Variants in ANKRD36 observed in about 807,000 individuals in gnomAD.
ANKRD36 encodes ankyrin repeat domain-containing protein 36A.
In ANKRD36, 179 loss-of-function variants were observed where a neutral mutation model predicts 278.1. The observed-to-expected ratio is 0.64, with a 90% CI of 0.57 to 0.73. The LOEUF is 0.73. ANKRD36 is among the 30% of genes least tolerant of loss of function. The probability of loss-of-function intolerance (pLI) is 0.00; values close to 1 mark genes in which losing one functional copy is unlikely to be tolerated. For missense variants in ANKRD36, 1,159 were observed against 1,956.7 expected (o/e 0.59, Z 7.69); for synonymous variants, 320 against 641.1 (o/e 0.50, Z 7.57).
intron 14 of ANKRD36, among the ~76,000 whole-genome samples, chr2:97,153,386 G>C (rs2046603084): frequency 6.6e-6 from 1 of 152,054 alleles, no homozygotes; most frequent in Non-Finnish European, 1.5e-5. Flanking sequence ...TTTCATTTAA[G>C]ACAGCTAAGT....
At chr2:97,183,768 C>T in intron 28 of ANKRD36, 114 bp downstream of exon 28, 2 of 1,365,584 alleles carry the variant, frequency 1.5e-6, no homozygotes, top group Admixed American at 2.5e-5. Context: ...TTCAGCAGGC[C>T]TGAGATTATG....
chr2:97,229,581 C>T (rs2071178720), intron 67 of ANKRD36, among the ~76,000 whole-genome samples: 1 of 152,094 alleles, frequency 6.6e-6, no homozygotes, highest in African/African-American at 2.4e-5. Context: ...TGGATCTTGA[C>T]TCTTTATCCA....
rs778485698 is a variant in ANKRD36 at position 97,164,258 on chromosome 2, A to G, written c.1430-25A>G. The G allele has an allele frequency of 1.5e-5, 23 of 1,525,642 alleles. No individual in the cohort carries two copies. In the South Asian group the frequency reaches 2.3e-4, roughly 15 times the overall value. 94.5% of individuals were successfully genotyped at this position (1,525,642 alleles called of 1,614,324 possible). A position where few individuals can be genotyped will look rare whatever the true frequency, so the allele number is the denominator to read the frequency against. ...GCTGTGTCATATTTACCTGTAGTCA[A>G]TTATGTGTTCCTTTTGCTTTGTAGT... On this transcript the variant is annotated intron_variant, in intron 18 of 75. Coordinates refer to ENST00000420699, the MANE Select transcript of ANKRD36 (RefSeq NM_001354587.1).
intron 68 of ANKRD36, among the ~76,000 whole-genome samples, chr2:97,235,387 G>T (rs1338891178): frequency 2.0e-5 from 3 of 147,198 alleles, no homozygotes; most frequent in Non-Finnish European, 4.4e-5. Flanking sequence ...TCCCCAAATT[G>T]TGGGAAACCC....
intron 66 of ANKRD36, among the ~76,000 whole-genome samples, chr2:97,220,407 G>A (rs2067091829): frequency 1.3e-5 from 2 of 150,638 alleles, no homozygotes; most frequent in Admixed American, 6.6e-5. Flanking sequence ...TTCCTAGACT[G>A]TGGTAATGGT....
At position 97,189,731 on chromosome 2, in the gene ANKRD36, G is replaced by A. The variant is rs2058114109; in HGVS notation, c.2245+441G>A. Among the ~76,000 whole-genome samples, 3 of 81,026 alleles carry A rather than the reference G, an allele frequency of 3.7e-5. 1 individual carries two copies. The highest frequency in any genetic ancestry group is 4.6e-4 in the East Asian group (2 of 4,322). 53.2% of individuals were successfully genotyped at this position (81,026 alleles called of 152,430 possible). ...TAGAACGAGAACTAAGGAGACCCCT[G>A]ATGTAGCAATTATTTTCCCAAGGAA... On this transcript the variant is annotated intron_variant, in intron 34 of 75. Coordinates refer to ENST00000420699, the MANE Select transcript of ANKRD36 (RefSeq NM_001354587.1).
At chr2:97,173,844 A>C (rs2053421036) in intron 22 of ANKRD36, among the ~76,000 whole-genome samples, 1 of 151,572 alleles carries the variant, frequency 6.6e-6, no homozygotes, top group Admixed American at 6.6e-5. Context: ...TCAGTGATAC[A>C]TGCTTTGTTC....
chr2:97,188,873 T>C (rs2057989740), intron 32 of ANKRD36, among the ~76,000 whole-genome samples: 1 of 89,852 alleles, frequency 1.1e-5, no homozygotes, highest in Non-Finnish European at 3.9e-5. Context: ...AATCATACCA[T>C]GTTTGAAATT....
At chr2:97,211,082 T>C (rs2064410256) in intron 56 of ANKRD36, among the ~76,000 whole-genome samples, 1 of 151,858 alleles carries the variant, frequency 6.6e-6, no homozygotes, top group Non-Finnish European at 1.5e-5. Flanking sequence ...AATGTCTTCG[T>C]AATTGTGTGC....
rs564270958 is a variant in ANKRD36 at position 97,157,130 on chromosome 2, C to CCTCTCTCT, written c.1261-964_1261-957dup. Among the ~76,000 whole-genome samples, 656 of 67,324 alleles carry CCTCTCTCT rather than the reference C, an allele frequency of 9.7e-3. 6 individuals carry two copies. The highest frequency in any genetic ancestry group is 0.02 in the African/African-American group (619 of 30,338). 44.2% of individuals were successfully genotyped at this position (67,324 alleles called of 152,430 possible). ...ATTTTATTGGTTTTTGTTTTTTTTTCCTCTCTCTCTCTCTCTCTCTGTTTG... is the reference window on the plus strand; with the variant it reads ...ATTTTATTGGTTTTTGTTTTTTTTTCCTCTCTCTCTCTCTCTCTCTCTCTCTCTGTTTG... On this transcript the variant is annotated intron_variant, in intron 15 of 75. Transcript: ENST00000420699.
intron 17 of ANKRD36, among the ~76,000 whole-genome samples, chr2:97,159,905 G>T (rs186074526): frequency 1.3e-5 from 1 of 74,950 alleles, no homozygotes; most frequent in Admixed American, 1.4e-4. Flanking sequence ...CCTCAGCCTC[G>T]CGAGTAGCTG....
intron 22 of ANKRD36, among the ~76,000 whole-genome samples, chr2:97,174,835 AG>A (rs1314124369): frequency 4.0e-5 from 6 of 151,714 alleles, no homozygotes; most frequent in Admixed American, 6.6e-5. Flanking sequence ...TTTAGCATGA[AG>A]GGTTGTTGAA....
chr2:97,133,520 TTTA>T (rs1364994063), intron 6 of ANKRD36, among the ~76,000 whole-genome samples: 1 of 152,014 alleles, frequency 6.6e-6, no homozygotes, highest in Non-Finnish European at 1.5e-5. Flanking sequence ...TCAGTTTTGT[TTTA>T]TATTTTGTTA....
At chr2:97,193,223 A>G (rs1362226186) in intron 38 of ANKRD36, among the ~76,000 whole-genome samples, 170 bp downstream of exon 38, 1 of 144,666 alleles carries the variant, frequency 6.9e-6, no homozygotes, top group Admixed American at 7.1e-5. Flanking sequence ...CTGGTCTGGA[A>G]CATGATCTTC....
At chr2:97,153,304 TAA>T (rs2046572614) in intron 14 of ANKRD36, among the ~76,000 whole-genome samples, 1 of 151,812 alleles carries the variant, frequency 6.6e-6, no homozygotes, top group Non-Finnish European at 1.5e-5. Flanking sequence ...TGTGACATTT[TAA>T]TAATATTTTC....
chr2:97,164,090 T>C (rs1289121144), intron 18 of ANKRD36, 193 bp from the exon 19 acceptor site: 1 of 985,142 alleles, frequency 1.0e-6, no homozygotes, highest in Non-Finnish European at 1.2e-6. Context: ...GAATCTATAT[T>C]GTGATTTTTC....
chr2:97,149,453 AT>A (rs1261290813), intron 12 of ANKRD36, 92 bp downstream of exon 12: 1 of 1,077,320 alleles, frequency 9.3e-7, no homozygotes, highest in African/African-American at 1.6e-5. Flanking sequence ...TCTACCTATC[AT>A]TGTTTTATGT....
chr2:97,144,608 G>T (rs1193234174), intron 9 of ANKRD36, 32 bp from the exon 10 acceptor site: 2 of 1,556,894 alleles, frequency 1.3e-6, no homozygotes, highest in Non-Finnish European at 8.6e-7. Flanking sequence ...TATACTGTAG[G>T]TATTGATTAT....
intron 18 of ANKRD36, among the ~76,000 whole-genome samples, chr2:97,162,705 C>A (rs2049277994): frequency 6.9e-6 from 1 of 145,062 alleles, no homozygotes; most frequent in Non-Finnish European, 1.5e-5. Flanking sequence ...CACAGGAACT[C>A]ATTTCTTCTC....
Sources: gnomAD v4.1 joint callset for allele counts (sites outside exome capture counted in the v4.1 genomes callset) on GRCh38, gnomAD v4.1.1 for gene constraint, MANE v1.5 for transcripts, NCBI Gene and HGNC (gene_info 2026-07-23, HGNC 2026-07-21) for gene names.